The following GALNTL6 variants were observed in gnomAD, a reference collection of about 807,000 sequenced individuals.
GALNTL6 encodes polypeptide N-acetylgalactosaminyltransferase-like 6.
In GALNTL6, 46 loss-of-function variants were observed where a neutral mutation model predicts 73.7. That is an observed-to-expected ratio of 0.62 (90% CI 0.49 to 0.80). The LOEUF (loss-of-function observed/expected upper bound fraction) is 0.80. GALNTL6 is among the 30% of genes least tolerant of loss of function. The probability of loss-of-function intolerance (pLI) is 0.00; values close to 1 mark genes in which losing one functional copy is unlikely to be tolerated. For missense variants in GALNTL6, 604 were observed against 755.0 expected (o/e 0.80, Z 2.34); for synonymous variants, 259 against 263.7 (o/e 0.98, Z 0.17).
rs145517256 is a variant in GALNTL6, at chr4:171,919,450, G to T, written c.138+104732G>T. Among the ~76,000 whole-genome samples, 5 of 152,130 alleles carry T rather than the reference G, an allele frequency of 3.3e-5. No individual in the cohort carries two copies. In the South Asian group the frequency reaches 1.0e-3, roughly 32 times the overall value. On this transcript the variant is annotated intron_variant, in intron 2 of 12. Coordinates refer to ENST00000506823, the MANE Select transcript of GALNTL6 (RefSeq NM_001034845.3). Reference sequence around the variant, plus strand: ...TTACCCTAAGGACTTGTTAGAAGACGGATTATAGAGCCCCAGTACCAGAGC... The same window carrying T: ...TTACCCTAAGGACTTGTTAGAAGACTGATTATAGAGCCCCAGTACCAGAGC...
intron 12 of GALNTL6, 88 bp downstream of exon 12, chr4:173,021,713 G>T: frequency 2.2e-6 from 3 of 1,381,068 alleles, no homozygotes; most frequent in African/African-American, 1.4e-5. Context: ...ACCGTTTTAG[G>T]CCTGGCGCAG....
chr4:172,015,046 T>C (rs1741142610), intron 2 of GALNTL6, among the ~76,000 whole-genome samples: 1 of 152,154 alleles, frequency 6.6e-6, no homozygotes, highest in Admixed American at 6.6e-5. Context: ...GGTAGAATGT[T>C]CTGTAAATAT....
chr4:172,703,496 G>C (rs1015402417), intron 5 of GALNTL6, among the ~76,000 whole-genome samples: 4 of 151,870 alleles, frequency 2.6e-5, no homozygotes, highest in African/African-American at 9.7e-5. Flanking sequence ...GTATCATAGT[G>C]ATCAGTTTAG....
At chr4:171,855,707 T>C (rs79490008) in intron 2 of GALNTL6, among the ~76,000 whole-genome samples, 3,718 of 152,322 alleles carry the variant, frequency 0.024, 146 homozygotes, top group East Asian at 0.11. Flanking sequence ...TCAAAATGGC[T>C]GTGGCTTTTT....
chr4:172,188,939 G>A (rs1735492593), intron 2 of GALNTL6, among the ~76,000 whole-genome samples: 1 of 152,294 alleles, frequency 6.6e-6, no homozygotes, highest in Non-Finnish European at 1.5e-5. Flanking sequence ...TCTGAAAAGT[G>A]CATTTTAATA....
At chr4:172,731,060 A>G (rs1258970095) in intron 5 of GALNTL6, among the ~76,000 whole-genome samples, 3 of 149,582 alleles carry the variant, frequency 2.0e-5, no homozygotes, top group Non-Finnish European at 3.0e-5. Flanking sequence ...AGCCTGGGCT[A>G]CAGAGCAAGA....
At chr4:172,437,602 T>A (rs1343924914) in intron 5 of GALNTL6, among the ~76,000 whole-genome samples, 5 of 152,144 alleles carry the variant, frequency 3.3e-5, no homozygotes, top group Non-Finnish European at 5.9e-5. Context: ...TCTTCCAGAT[T>A]TTGTGCTGTT....
chr4:172,793,469 G>A (rs766543333), intron 5 of GALNTL6, among the ~76,000 whole-genome samples: 3 of 152,102 alleles, frequency 2.0e-5, no homozygotes, highest in East Asian at 1.9e-4. Context: ...ATTGCAGCAC[G>A]CCAACTCACT....
intron 5 of GALNTL6, among the ~76,000 whole-genome samples, chr4:172,596,165 AGT>A (rs1029593841): frequency 2.2e-4 from 33 of 152,276 alleles, no homozygotes; most frequent in Admixed American, 7.9e-4. Context: ...TGTGTTAAAG[AGT>A]GTGACTGGCC....
intron 5 of GALNTL6, among the ~76,000 whole-genome samples, chr4:172,367,074 C>T (rs1375113886): frequency 6.6e-6 from 1 of 152,072 alleles, no homozygotes; most frequent in Non-Finnish European, 1.5e-5. Flanking sequence ...TGGTGGTCCC[C>T]AAACCTGTGA....
chr4:172,085,931 C>T (rs1285460074), intron 2 of GALNTL6, among the ~76,000 whole-genome samples: 1 of 152,106 alleles, frequency 6.6e-6, no homozygotes, highest in Non-Finnish European at 1.5e-5. Context: ...TAGTGCTTTG[C>T]ACTCTGTAAT....
chr4:172,552,638 A>G (rs1386294684), intron 5 of GALNTL6, among the ~76,000 whole-genome samples: 1 of 151,886 alleles, frequency 6.6e-6, no homozygotes, highest in African/African-American at 2.4e-5. Flanking sequence ...CGCTCTATAT[A>G]CTAGGTCATG....
intron 5 of GALNTL6, among the ~76,000 whole-genome samples, chr4:172,765,346 G>A (rs989028981): frequency 1.3e-5 from 2 of 152,084 alleles, no homozygotes; most frequent in Non-Finnish European, 2.9e-5. Flanking sequence ...TTAGTTTCAT[G>A]TTTATATAGT....
chr4:172,239,667 G>T (rs565316507), intron 3 of GALNTL6, among the ~76,000 whole-genome samples: 1 of 151,982 alleles, frequency 6.6e-6, no homozygotes, highest in East Asian at 1.9e-4. Context: ...TTTCCTCAAG[G>T]TGTGATGTTA....
At chr4:172,068,471 T>A (rs1731421862) in intron 2 of GALNTL6, among the ~76,000 whole-genome samples, 1 of 109,918 alleles carries the variant, frequency 9.1e-6, no homozygotes, top group Non-Finnish European at 2.0e-5. Flanking sequence ...CTGATCTGTT[T>A]CTTGCATTCA....
chr4:172,720,452 C>T (rs569711914), intron 5 of GALNTL6, among the ~76,000 whole-genome samples: 1 of 152,136 alleles, frequency 6.6e-6, no homozygotes, highest in Non-Finnish European at 1.5e-5. Context: ...CCTCAGTGGG[C>T]AAGCTAGTTA....
chr4:172,021,674 T>C (rs1449306369), intron 2 of GALNTL6, among the ~76,000 whole-genome samples: 1 of 151,928 alleles, frequency 6.6e-6, no homozygotes, highest in Non-Finnish European at 1.5e-5. Flanking sequence ...AGGAATAACA[T>C]TACCTGACTT....
chr4:171,977,702 AG>A (rs1739763084), intron 2 of GALNTL6, among the ~76,000 whole-genome samples: 1 of 152,206 alleles, frequency 6.6e-6, no homozygotes, highest in Non-Finnish European at 1.5e-5. Context: ...ACCCCATGGC[AG>A]GTAGAAAGTT....
intron 2 of GALNTL6, among the ~76,000 whole-genome samples, chr4:172,078,323 C>T (rs1293612508): frequency 6.6e-6 from 1 of 152,132 alleles, no homozygotes; most frequent in African/African-American, 2.4e-5. Context: ...CTCCTGTCAC[C>T]ATGTGTGGAA....
Sources: allele counts gnomAD v4.1 joint callset (sites outside exome capture counted in the v4.1 genomes callset), GRCh38; gene constraint gnomAD v4.1.1; transcripts MANE v1.5; gene names NCBI Gene and HGNC (gene_info 2026-07-23, HGNC 2026-07-21).